The following AOPEP variants were observed in gnomAD, a reference collection of about 807,000 sequenced individuals.
The protein encoded by AOPEP is aminopeptidase O (putative).
A neutral mutation model predicts 98.1 loss-of-function variants in AOPEP; 77 were observed. The ratio of observed to expected loss-of-function variants is 0.78; its 90% confidence interval spans 0.65 to 0.95. The LOEUF (loss-of-function observed/expected upper bound fraction) is 0.95. Among genes scored for constraint, AOPEP ranks in the 40% least tolerant of loss-of-function variants. AOPEP has a pLI of 0.00. For synonymous variants in AOPEP, 346 were observed against 365.3 expected (o/e 0.95, Z 0.60); for missense variants, 1,024 against 1,024.7 (o/e 1.00, Z 0.01).
At chr9:94,747,446 C>G (rs1834772087) in intron 1 of AOPEP, among the ~76,000 whole-genome samples, 1 of 152,110 alleles carries the variant, frequency 6.6e-6, no homozygotes, top group South Asian at 2.1e-4. Context: ...AGAATTTAAA[C>G]TCTGAATATG....
intron 5 of AOPEP, among the ~76,000 whole-genome samples, chr9:94,869,817 C>G (rs2046116650): frequency 6.6e-6 from 1 of 152,078 alleles, no homozygotes; most frequent in South Asian, 2.1e-4. Flanking sequence ...ATTGCCCAAT[C>G]TCATTATACT....
chr9:94,727,352 T>C (rs1829439975), intron 1 of AOPEP, among the ~76,000 whole-genome samples: 1 of 152,188 alleles, frequency 6.6e-6, no homozygotes, highest in African/African-American at 2.4e-5. Flanking sequence ...TAATAAAATA[T>C]CCACTTAGGA....
chr9:95,106,141 C>T, the AOPEP span, among the ~76,000 whole-genome samples: 1 of 152,172 alleles, frequency 6.6e-6, no homozygotes. Flanking sequence ...CTTTTCTCTC[C>T]TTGCTGACAG....
At chr9:94,798,157 T>C (rs1414226954) in intron 4 of AOPEP, among the ~76,000 whole-genome samples, 1 of 152,250 alleles carries the variant, frequency 6.6e-6, no homozygotes, top group Non-Finnish European at 1.5e-5. Flanking sequence ...CCAGGTTTCC[T>C]GATCCCTATG....
intron 4 of AOPEP, among the ~76,000 whole-genome samples, chr9:94,799,591 G>A (rs1359228379): frequency 1.3e-5 from 2 of 151,990 alleles, no homozygotes; most frequent in Non-Finnish European, 2.9e-5. Context: ...GGCCGGTTGC[G>A]GTGGTTCAAG....
chr9:94,895,274 C>T (rs1015572848), intron 5 of AOPEP, among the ~76,000 whole-genome samples: 1 of 150,240 alleles, frequency 6.7e-6, no homozygotes, highest in Non-Finnish European at 1.5e-5. Context: ...GTGGTGTGCA[C>T]CTGTAGTCCC....
At chr9:95,150,053 C>T in the AOPEP span, 4 of 1,614,100 alleles carry the variant, frequency 2.5e-6, no homozygotes, top group Admixed American at 1.7e-5. Flanking sequence ...GGGACACAAA[C>T]TCGTGACAGG....
At chr9:94,937,921 G>A (rs1198393348) in intron 7 of AOPEP, among the ~76,000 whole-genome samples, 1 of 152,184 alleles carries the variant, frequency 6.6e-6, no homozygotes, top group Admixed American at 6.5e-5. Flanking sequence ...CACCCAGGCT[G>A]GAGTGCAGTG....
the AOPEP span, among the ~76,000 whole-genome samples, chr9:95,146,132 T>G: frequency 1.3e-5 from 2 of 152,068 alleles, no homozygotes; most frequent in Non-Finnish European, 2.9e-5. Flanking sequence ...TAAAATGCAT[T>G]GTATAGCAAG....
chr9:94,950,824 G>A (rs893283127), intron 7 of AOPEP, among the ~76,000 whole-genome samples: 1 of 152,244 alleles, frequency 6.6e-6, no homozygotes, highest in Non-Finnish European at 1.5e-5. Context: ...CTGGGTGGGG[G>A]CAGAGCAGCA....
At chr9:94,728,282 T>G (rs1402886206) in intron 1 of AOPEP, among the ~76,000 whole-genome samples, 1 of 139,172 alleles carries the variant, frequency 7.2e-6, no homozygotes, top group African/African-American at 2.7e-5. Context: ...CCATCCTTAT[T>G]TTTAAGAATG....
chr9:94,746,362 C>A (rs1283934791), intron 1 of AOPEP, among the ~76,000 whole-genome samples: 1 of 152,080 alleles, frequency 6.6e-6, no homozygotes, highest in Admixed American at 6.5e-5. Context: ...GACACTTAGG[C>A]TCTCTGAGCA....
intron 13 of AOPEP, among the ~76,000 whole-genome samples, chr9:95,053,070 A>G (rs1222994820): frequency 6.6e-6 from 1 of 152,172 alleles, no homozygotes; most frequent in African/African-American, 2.4e-5. Flanking sequence ...CTGGTTCAGT[A>G]CTTTGTTAGA....
At chr9:94,830,793 C>G (rs1290547748) in intron 5 of AOPEP, among the ~76,000 whole-genome samples, 1 of 152,188 alleles carries the variant, frequency 6.6e-6, no homozygotes, top group Admixed American at 6.5e-5. Context: ...TTGCATTTCT[C>G]TAATGACCAG....
intron 10 of AOPEP, among the ~76,000 whole-genome samples, chr9:94,968,289 C>T (rs914196387): frequency 6.6e-6 from 1 of 152,116 alleles, no homozygotes; most frequent in Non-Finnish European, 1.5e-5. Context: ...CACTCTGTCA[C>T]CCAGGATGGA....
At chr9:94,965,796 A>G (rs1036678528) in intron 9 of AOPEP, among the ~76,000 whole-genome samples, 2 of 151,590 alleles carry the variant, frequency 1.3e-5, no homozygotes, top group African/African-American at 4.9e-5. Context: ...TCCTGTGTAG[A>G]GTCTGTATTT....
At chr9:94,926,236 T>TAGAG (rs1422469436) in intron 6 of AOPEP, among the ~76,000 whole-genome samples, 2 of 152,212 alleles carry the variant, frequency 1.3e-5, no homozygotes, top group Non-Finnish European at 2.9e-5. Flanking sequence ...TCCTGCCTCT[T>TAGAG]GACTGATAAG....
At chr9:95,003,607 T>A (rs2061707045) in intron 11 of AOPEP, among the ~76,000 whole-genome samples, 1 of 152,262 alleles carries the variant, frequency 6.6e-6, no homozygotes, top group Non-Finnish European at 1.5e-5. Context: ...TTTATAATTA[T>A]TTACCTGCCT....
intron 5 of AOPEP, among the ~76,000 whole-genome samples, chr9:94,876,664 C>T (rs534061197): frequency 5.3e-5 from 8 of 152,260 alleles, no homozygotes; most frequent in Middle Eastern, 3.4e-3. Context: ...TGCACCTAGC[C>T]GTGTTCCCTT....
Sources: allele counts gnomAD v4.1 joint callset (sites outside exome capture counted in the v4.1 genomes callset), GRCh38; gene constraint gnomAD v4.1.1; transcripts MANE v1.5; gene names NCBI Gene and HGNC (gene_info 2026-07-23, HGNC 2026-07-21).